Variants in IFT80 observed in about 807,000 individuals in gnomAD.
IFT80 encodes intraflagellar transport 80, also known as intraflagellar transport protein 80 homolog.
IFT80 carries 79 observed loss-of-function variants against 107.9 expected under a neutral mutation model. That is an observed-to-expected ratio of 0.73 (90% CI 0.61 to 0.88). The LOEUF is 0.88. IFT80 is among the 40% of genes least tolerant of loss of function. The pLI is 0.00. For synonymous variants in IFT80, 299 were observed against 300.9 expected, an observed-to-expected ratio of 0.99 and a Z score of 0.07; for missense variants, 797 against 914.2, an observed-to-expected ratio of 0.87 and a Z score of 1.65.
At chr3:160,375,734 T>C in intron 5 of IFT80, 78 bp downstream of exon 5, 2 of 946,418 alleles carry the variant, frequency 2.1e-6, no homozygotes, top group Non-Finnish European at 3.4e-6. Context: ...CCGTATTAGA[T>C]TGTTTCTAAA....
At chr3:160,374,837 C>T (rs995125817) in intron 5 of IFT80, among the ~76,000 whole-genome samples, 5 of 152,144 alleles carry the variant, frequency 3.3e-5, no homozygotes, top group Admixed American at 6.5e-5. Flanking sequence ...AACTTACCCA[C>T]GGCTACTTCT....
Position 160,332,556 on chromosome 3 carries a change from A to G in IFT80, c.778-12617T>C, listed in dbSNP as rs2108319511. Among the ~76,000 whole-genome samples the G allele has an allele frequency of 2.0e-5, 3 of 152,320 alleles. No individual in the cohort carries two copies. In the Middle Eastern group the frequency reaches 0.01, roughly 518 times the overall value. ...GGATATGGGGCCTTATCTATCTAGA[A>G]GATGAAATGCTAACTAGATGGAGAC... is the stretch of plus-strand genomic sequence containing the variant. On this transcript the variant is annotated intron_variant, in intron 8 of 19. Transcript: ENST00000326448.
intron 8 of IFT80, chr3:160,343,718 G>A: frequency 3.8e-6 from 1 of 265,654 alleles, no homozygotes; most frequent in South Asian, 3.5e-5. Flanking sequence ...TTTAAAAAAT[G>A]CCATCTCCTT....
chr3:160,310,386 A>G (rs895777037), intron 9 of IFT80, among the ~76,000 whole-genome samples: 1 of 152,244 alleles, frequency 6.6e-6, no homozygotes, highest in Non-Finnish European at 1.5e-5. Context: ...AATGACAAGA[A>G]AAAAGAAATT....
chr3:160,397,049 T>C (rs1167248098), intron 1 of IFT80, among the ~76,000 whole-genome samples: 1 of 152,206 alleles, frequency 6.6e-6, no homozygotes, highest in East Asian at 1.9e-4. Flanking sequence ...TTCTGTGACT[T>C]ATCGTTCTTC....
intron 17 of IFT80, 31 bp from the exon 18 acceptor site, chr3:160,277,509 A>C: frequency 1.3e-6 from 2 of 1,571,362 alleles, no homozygotes; most frequent in Non-Finnish European, 1.8e-6. Flanking sequence ...ATTGAAGTAG[A>C]TAGTAACAGA....
intron 8 of IFT80, among the ~76,000 whole-genome samples, chr3:160,334,375 T>C (rs1284019635): frequency 1.3e-5 from 2 of 151,946 alleles, no homozygotes; most frequent in African/African-American, 4.8e-5. Flanking sequence ...TTATACCAGT[T>C]GGTATATACA....
At chr3:160,310,532 G>A (rs1717163509) in intron 9 of IFT80, among the ~76,000 whole-genome samples, 1 of 152,152 alleles carries the variant, frequency 6.6e-6, no homozygotes, top group South Asian at 2.1e-4. Context: ...GAGAATTCTA[G>A]CTAATAAATG....
chr3:160,329,792 T>G (rs997887910), intron 8 of IFT80, among the ~76,000 whole-genome samples: 4 of 152,042 alleles, frequency 2.6e-5, no homozygotes, highest in Non-Finnish European at 5.9e-5. Flanking sequence ...GCTTCCATGT[T>G]ATGTAAAGTT....
intron 5 of IFT80, among the ~76,000 whole-genome samples, chr3:160,369,949 A>G (rs1048906399): frequency 2.0e-5 from 3 of 152,200 alleles, no homozygotes; most frequent in African/African-American, 7.2e-5. Flanking sequence ...TTAAGAAACC[A>G]CATGCACCTG....
chr3:160,331,343 T>C (rs556287779), intron 8 of IFT80, among the ~76,000 whole-genome samples: 1 of 152,182 alleles, frequency 6.6e-6, no homozygotes, highest in Non-Finnish European at 1.5e-5. Flanking sequence ...TGAGATTTCA[T>C]CATGCTGCTC....
chr3:160,327,265 C>T (rs1333002670), intron 8 of IFT80, among the ~76,000 whole-genome samples: 1 of 151,914 alleles, frequency 6.6e-6, no homozygotes, highest in Non-Finnish European at 1.5e-5. Flanking sequence ...GCAATGTATA[C>T]ATTAAATGCT....
chr3:160,315,053 AAGGGAGGGAGGG>A lies in IFT80; in HGVS notation c.957+4695_957+4706del, dbSNP rs3043631. Among the ~76,000 whole-genome samples, 121 of 45,236 alleles carry A rather than the reference AAGGGAGGGAGGG, an allele frequency of 2.7e-3. 5 individuals carry two copies. The South Asian group carries it at 0.049, about 18-fold the overall frequency. 29.7% of individuals were successfully genotyped at this position (45,236 alleles called of 152,430 possible). A position where few individuals can be genotyped will look rare whatever the true frequency, so the allele number is the denominator to read the frequency against. On this transcript the variant is annotated intron_variant, in intron 9 of 19. Coordinates refer to ENST00000326448, the MANE Select transcript of IFT80 (RefSeq NM_020800.3). The stretch of plus-strand genomic sequence containing the variant: ...GTGGGCAGGAGGGGAAAAAAGAAGG[AAGGGAGGGAGGG>A]AGGGAGGGAGGGAGGGAGGGAGGGA...
chr3:160,355,914 C>T (rs1721045835), intron 8 of IFT80, 99 bp downstream of exon 8: 3 of 1,297,984 alleles, frequency 2.3e-6, no homozygotes, highest in African/African-American at 1.5e-5. Context: ...CAACCAGATG[C>T]ATCCATTGAA....
intron 19 of IFT80, 71 bp downstream of exon 19, chr3:160,268,342 T>C: frequency 7.5e-7 from 1 of 1,338,962 alleles, no homozygotes; most frequent in Admixed American, 1.9e-5. Flanking sequence ...TCACATTTTG[T>C]CTCATTAGGA....
chr3:160,331,958 C>T (rs1387877155), intron 8 of IFT80, among the ~76,000 whole-genome samples: 1 of 152,084 alleles, frequency 6.6e-6, no homozygotes, highest in Non-Finnish European at 1.5e-5. Context: ...CGCCTGGCCT[C>T]TCCTTGTAAT....
chr3:160,363,838 A>G (rs1289547140), intron 6 of IFT80, among the ~76,000 whole-genome samples: 1 of 152,174 alleles, frequency 6.6e-6, no homozygotes, highest in Non-Finnish European at 1.5e-5. Flanking sequence ...CCTTCCTTAC[A>G]CCTTATACAA....
chr3:160,395,915 C>T (rs1713739505), intron 1 of IFT80, among the ~76,000 whole-genome samples: 1 of 152,082 alleles, frequency 6.6e-6, no homozygotes, highest in Non-Finnish European at 1.5e-5. Context: ...GTAATTATTT[C>T]TTCTTCTTAC....
intron 5 of IFT80, among the ~76,000 whole-genome samples, chr3:160,367,356 CA>C: frequency 6.6e-6 from 1 of 152,182 alleles, no homozygotes; most frequent in African/African-American, 2.4e-5. Flanking sequence ...TTAAATTTTA[CA>C]TATTAAAATA....
Sources: allele counts gnomAD v4.1 joint callset (sites outside exome capture counted in the v4.1 genomes callset), GRCh38; gene constraint gnomAD v4.1.1; transcripts MANE v1.5; gene names NCBI Gene and HGNC (gene_info 2026-07-23, HGNC 2026-07-21).